The following KIAA1328 variants were observed in gnomAD, a reference collection of about 807,000 sequenced individuals.
KIAA1328 encodes protein hinderin.
In KIAA1328, 52 loss-of-function variants were observed where a neutral mutation model predicts 68.1. That is an observed-to-expected ratio of 0.76 (90% CI 0.61 to 0.96). The LOEUF (loss-of-function observed/expected upper bound fraction) is 0.96, where lower values mean the gene tolerates loss of function less well. Ranked by LOEUF, KIAA1328 falls within the 40% of genes least tolerant of loss-of-function variation. KIAA1328 has a pLI of 0.00. For synonymous variants in KIAA1328, 232 were observed against 239.4 expected (o/e 0.97, Z 0.28); for missense variants, 641 against 677.6 (o/e 0.95, Z 0.60).
intron 5 of KIAA1328, among the ~76,000 whole-genome samples, chr18:36,888,646 A>G (rs1477730715): frequency 6.6e-6 from 1 of 152,132 alleles, no homozygotes; most frequent in Admixed American, 6.5e-5. Context: ...ATTTTTTTAA[A>G]TGACATTTAT....
intron 4 of KIAA1328, among the ~76,000 whole-genome samples, chr18:36,883,807 C>T (rs931351992): frequency 4.6e-5 from 7 of 151,968 alleles, no homozygotes; most frequent in Non-Finnish European, 7.4e-5. Flanking sequence ...GGTCTTTATA[C>T]TTTTTAATAT....
At chr18:36,851,445 G>GT (rs1266529138) in intron 4 of KIAA1328, among the ~76,000 whole-genome samples, 2 of 151,574 alleles carry the variant, frequency 1.3e-5, no homozygotes, top group Non-Finnish European at 2.9e-5. Context: ...GATTGTCTTT[G>GT]TTGGGAAGAT....
At chr18:36,837,192 A>G (rs1402648903) in intron 3 of KIAA1328, among the ~76,000 whole-genome samples, 3 of 152,174 alleles carry the variant, frequency 2.0e-5, no homozygotes, top group East Asian at 1.9e-4. Context: ...TAAAGTGGTT[A>G]CACCATGTTA....
chr18:36,918,469 G>A (rs1459456003), intron 5 of KIAA1328, among the ~76,000 whole-genome samples: 4 of 145,480 alleles, frequency 2.7e-5, no homozygotes, highest in African/African-American at 1.0e-4. Context: ...CTAGAGTGCA[G>A]TGGTGCAATC....
chr18:37,034,109 A>G (rs1002081121), intron 6 of KIAA1328, among the ~76,000 whole-genome samples: 3 of 152,202 alleles, frequency 2.0e-5, no homozygotes, highest in Admixed American at 6.5e-5. Flanking sequence ...GAATTTTAGC[A>G]TACAAATTTA....
At chr18:36,959,584 C>T in intron 6 of KIAA1328, 149 bp downstream of exon 6, 1 of 847,742 alleles carries the variant, frequency 1.2e-6, no homozygotes, top group Non-Finnish European at 1.8e-6. Context: ...ATGTCTTTCC[C>T]TCCCCCTTTC....
intron 7 of KIAA1328, among the ~76,000 whole-genome samples, chr18:37,108,314 G>A (rs2057830670): frequency 6.6e-6 from 1 of 151,702 alleles, no homozygotes; most frequent in South Asian, 2.1e-4. Flanking sequence ...TGGGAGCTAA[G>A]CATTGAGCAC....
At chr18:37,211,118 A>G (rs922320870) in intron 9 of KIAA1328, among the ~76,000 whole-genome samples, 2 of 152,240 alleles carry the variant, frequency 1.3e-5, no homozygotes, top group Non-Finnish European at 2.9e-5. Context: ...TAGTTACGCT[A>G]TACTTTTAAA....
intron 6 of KIAA1328, among the ~76,000 whole-genome samples, chr18:36,970,058 A>AT (rs1367023445): frequency 6.6e-6 from 1 of 152,242 alleles, no homozygotes; most frequent in Non-Finnish European, 1.5e-5. Flanking sequence ...AAAATCCTCA[A>AT]TAAAATACTG....
At chr18:37,132,255 G>T (rs1257971996) in intron 7 of KIAA1328, among the ~76,000 whole-genome samples, 2 of 152,066 alleles carry the variant, frequency 1.3e-5, no homozygotes, top group African/African-American at 4.8e-5. Context: ...GCTTTATTTA[G>T]AATTTTTATA....
At chr18:36,938,656 A>T (rs1325263803) in intron 5 of KIAA1328, among the ~76,000 whole-genome samples, 1 of 152,106 alleles carries the variant, frequency 6.6e-6, no homozygotes, top group Middle Eastern at 3.2e-3. Context: ...CCAGGAATTC[A>T]CTGTCCTGAC....
At chr18:37,192,027 C>G (rs2154217609) in intron 9 of KIAA1328, among the ~76,000 whole-genome samples, 1 of 152,248 alleles carries the variant, frequency 6.6e-6, no homozygotes, top group East Asian at 1.9e-4. Flanking sequence ...TTCTAGTCTC[C>G]CAGCTTCAAC....
intron 5 of KIAA1328, chr18:36,902,307 G>T (rs17652483): frequency 1.3e-5 from 2 of 151,778 alleles, no homozygotes; most frequent in South Asian, 2.1e-4. Context: ...CTGAAGAAAC[G>T]CATTCTGTCA....
At chr18:36,923,350 G>A (rs2049998618) in intron 5 of KIAA1328, among the ~76,000 whole-genome samples, 1 of 152,070 alleles carries the variant, frequency 6.6e-6, no homozygotes, top group East Asian at 1.9e-4. Context: ...AAGCAATAGA[G>A]ACAATGAAGC....
intron 6 of KIAA1328, among the ~76,000 whole-genome samples, chr18:37,016,543 CTCT>C (rs933864823): frequency 1.8e-4 from 27 of 152,218 alleles, no homozygotes; most frequent in African/African-American, 6.5e-4. Flanking sequence ...TTGGTACCAG[CTCT>C]TCTTTATATG....
At chr18:37,026,092 C>A (rs987155162) in intron 6 of KIAA1328, among the ~76,000 whole-genome samples, 8 of 152,172 alleles carry the variant, frequency 5.3e-5, no homozygotes, top group African/African-American at 1.9e-4. Context: ...ATACTATAAA[C>A]AACTGTATGC....
intron 7 of KIAA1328, among the ~76,000 whole-genome samples, chr18:37,109,897 G>A (rs1371825344): frequency 6.6e-6 from 1 of 152,048 alleles, no homozygotes; most frequent in Non-Finnish European, 1.5e-5. Flanking sequence ...TGGAATGAGA[G>A]CAGTTTGATT....
intron 6 of KIAA1328, among the ~76,000 whole-genome samples, chr18:37,037,971 C>T (rs771554336): frequency 1.3e-5 from 2 of 152,120 alleles, no homozygotes; most frequent in African/African-American, 2.4e-5. Context: ...TGTGGTGGCA[C>T]GCGCCTGTAG....
At chr18:37,022,083 T>C (rs1454513905) in intron 6 of KIAA1328, among the ~76,000 whole-genome samples, 1 of 151,660 alleles carries the variant, frequency 6.6e-6, no homozygotes, top group African/African-American at 2.4e-5. Context: ...TAAAATAAAA[T>C]AAAACAAACA....
Sources: allele counts gnomAD v4.1 joint callset (sites outside exome capture counted in the v4.1 genomes callset), GRCh38; gene constraint gnomAD v4.1.1; transcripts MANE v1.5; gene names NCBI Gene and HGNC (gene_info 2026-07-23, HGNC 2026-07-21).